COL6A5: variants seen among roughly 807,000 people sequenced by gnomAD.
COL6A5 encodes collagen alpha-5(VI) chain.
Under a neutral mutation model 65.6 loss-of-function variants are expected in COL6A5, and 48 were observed. That is an observed-to-expected ratio of 0.73 (90% CI 0.58 to 0.93). The LOEUF (loss-of-function observed/expected upper bound fraction) is 0.93, where lower values mean the gene tolerates loss of function less well. Among genes scored for constraint, COL6A5 ranks in the 40% least tolerant of loss-of-function variants. COL6A5 has a pLI of 0.00. For synonymous variants in COL6A5, 291 were observed against 322.8 expected (o/e 0.90, Z 1.05); for missense variants, 914 against 928.3 (o/e 0.98, Z 0.20).
At chr3:130,430,891 A>G (rs931760120), upstream of COL6A5, among the ~76,000 whole-genome samples, 3 of 152,198 alleles carry the variant, frequency 2.0e-5, no homozygotes, top group African/African-American at 4.8e-5. Context: ...TCATCTTTGC[A>G]TGCATTTCAC....
intron 1 of COL6A5, among the ~76,000 whole-genome samples, chr3:130,439,112 G>A (rs1408204312): frequency 2.0e-5 from 3 of 152,040 alleles, no homozygotes; most frequent in Non-Finnish European, 4.4e-5. Context: ...ATTTCTGCAG[G>A]GCCCAACTTC....
At chr3:130,414,492 G>C (rs1937281424) in intron 22 of COL6A5, among the ~76,000 whole-genome samples, 1 of 152,146 alleles carries the variant, frequency 6.6e-6, no homozygotes, top group Admixed American at 6.5e-5. Flanking sequence ...AGGAAAATTA[G>C]TTGAAAGTTG....
chr3:130,472,281 A>T (rs1179500436), intron 7 of COL6A5, among the ~76,000 whole-genome samples: 2 of 151,970 alleles, frequency 1.3e-5, no homozygotes, highest in Non-Finnish European at 2.9e-5. Context: ...CCAGAGTTTT[A>T]ATACTCGAGA....
At chr3:130,434,715 C>G (rs536855167) in intron 1 of COL6A5, among the ~76,000 whole-genome samples, 86 of 152,220 alleles carry the variant, frequency 5.6e-4, no homozygotes, top group African/African-American at 1.5e-3. Flanking sequence ...TCATATGTTT[C>G]TTAGCCACAT....
At chr3:130,380,928 A>C (rs1472472701) in intron 4 of COL6A5, among the ~76,000 whole-genome samples, 1 of 152,074 alleles carries the variant, frequency 6.6e-6, no homozygotes, top group Admixed American at 6.6e-5. Context: ...CTTTTTCCAC[A>C]TTATTTTTTG....
chr3:130,463,054 G>A (rs1018710487), intron 5 of COL6A5, among the ~76,000 whole-genome samples: 1 of 152,072 alleles, frequency 6.6e-6, no homozygotes, highest in African/African-American at 2.4e-5. Context: ...CCCTCATAGT[G>A]CTTCAAGGAA....
intron 1 of COL6A5, among the ~76,000 whole-genome samples, chr3:130,373,043 G>A (rs111597312): frequency 6.2e-4 from 94 of 152,296 alleles, no homozygotes; most frequent in Middle Eastern, 6.8e-3. Context: ...GTGAAATTGA[G>A]CATAACTGTA....
intron 6 of COL6A5, among the ~76,000 whole-genome samples, chr3:130,389,357 A>G (rs1418223138): frequency 6.6e-6 from 1 of 152,060 alleles, no homozygotes; most frequent in East Asian, 1.9e-4. Flanking sequence ...GTGACTTCAA[A>G]TATGTTCCAA....
chr3:130,422,655 T>G (rs1937537718), intron 27 of COL6A5, 65 bp from the exon 28 acceptor site: 3 of 937,924 alleles, frequency 3.2e-6, no homozygotes, highest in Non-Finnish European at 4.8e-6. Flanking sequence ...GTCCAGAGAG[T>G]TTTTTTTTTA....
chr3:130,413,589 C>T lies in COL6A5; in HGVS notation c.4698+9C>T. Reference sequence around the variant, plus strand: ...GACTCCGAGGTGTCTCAGTAAGTAACCTTGACTTCCTGTTCTCTGTGGTTG... The same window carrying T: ...GACTCCGAGGTGTCTCAGTAAGTAATCTTGACTTCCTGTTCTCTGTGGTTG... On this transcript the variant is annotated intron_variant and NMD_transcript_variant, in intron 21 of 41. Coordinates refer to the COL6A5 transcript ENST00000312481. 6.5e-7 allele frequency: 1 copy of T among 1,548,090 alleles called. No individual in the cohort carries two copies. Among genetic ancestry groups the T allele is most frequent in the Non-Finnish European group, 8.7e-7 (1 of 1,144,090 alleles).
At chr3:130,370,709 G>A (rs1330626773) in intron 1 of COL6A5, among the ~76,000 whole-genome samples, 1 of 152,210 alleles carries the variant, frequency 6.6e-6, no homozygotes, top group Non-Finnish European at 1.5e-5. Flanking sequence ...GACATACTAT[G>A]TTGGGGCAGG....
chr3:130,352,163 G>T (rs1371957782), intron 1 of COL6A5, among the ~76,000 whole-genome samples: 1 of 152,182 alleles, frequency 6.6e-6, no homozygotes, highest in Admixed American at 6.5e-5. Context: ...GTCAGCAGGT[G>T]TGGGGCTGGG....
chr3:130,431,890 C>A, exon 1 of COL6A5: 1 of 1,551,566 alleles, frequency 6.4e-7, no homozygotes, highest in Non-Finnish European at 8.7e-7. Context: ...GTTTAGTGCC[C>A]TGGATATCAG....
At chr3:130,429,471 G>T, upstream of COL6A5, 2 of 1,013,702 alleles carry the variant, frequency 2.0e-6, no homozygotes, top group South Asian at 1.7e-5. Context: ...TTTGCAGTTA[G>T]ACTCAAATAA....
At chr3:130,373,278 A>G (rs1363068795) in intron 1 of COL6A5, among the ~76,000 whole-genome samples, 5 of 152,168 alleles carry the variant, frequency 3.3e-5, no homozygotes, top group Admixed American at 2.0e-4. Context: ...CTGTGGATCG[A>G]TCTACCTCTT....
chr3:130,472,275 A>G (rs1050317157), intron 7 of COL6A5, among the ~76,000 whole-genome samples: 2 of 151,918 alleles, frequency 1.3e-5, no homozygotes, highest in African/African-American at 2.4e-5. Flanking sequence ...GAGCCTCCAG[A>G]GTTTTAATAC....
intron 6 of COL6A5, 55 bp from the exon 39 acceptor site, chr3:130,470,816 G>T: frequency 7.8e-7 from 1 of 1,283,810 alleles, no homozygotes. Context: ...GACTTTGGGT[G>T]AGATAATAAT....
chr3:130,414,816 C>T (rs1378693035), intron 22 of COL6A5, among the ~76,000 whole-genome samples: 1 of 151,992 alleles, frequency 6.6e-6, no homozygotes, highest in Admixed American at 6.6e-5. Context: ...AAGGTCTTCC[C>T]AGGAATTCAT....
At chr3:130,469,093 T>C in exon 6 of COL6A5, 1 of 1,613,090 alleles carries the variant, frequency 6.2e-7, no homozygotes, top group South Asian at 1.1e-5. Flanking sequence ...ATTTGGTTAC[T>C]TATAACAGTA....
Sources: allele counts gnomAD v4.1 joint callset (sites outside exome capture counted in the v4.1 genomes callset), GRCh38; gene constraint gnomAD v4.1.1; transcripts MANE v1.5; gene names NCBI Gene and HGNC (gene_info 2026-07-23, HGNC 2026-07-21).